Variants in NDUFA5 observed in about 807,000 individuals in gnomAD.
NDUFA5 encodes NADH dehydrogenase [ubiquinone] 1 alpha subcomplex subunit 5.
Under a neutral mutation model 19.8 loss-of-function variants are expected in NDUFA5, and 11 were observed. The observed-to-expected ratio is 0.56, with a 90% confidence interval of 0.35 to 0.92. The LOEUF is 0.92. Ranked by LOEUF, NDUFA5 falls within the 40% of genes least tolerant of loss-of-function variation. The pLI is 0.01. For synonymous variants in NDUFA5, 47 were observed against 46.8 expected (o/e 1.00, Z -0.01); for missense variants, 109 against 134.2 (o/e 0.81, Z 0.93).
chr7:123,579,573 T>C, the NDUFA5 span, among the ~76,000 whole-genome samples: 1 of 152,070 alleles, frequency 6.6e-6, no homozygotes, highest in African/African-American at 2.4e-5. Flanking sequence ...GAGGGCTTAA[T>C]AGATAATTGC....
rs1469552137 is a variant in NDUFA5, at chr7:123,545,658, A to G, written c.202T>C (p.Leu68=). 6.2e-7 allele frequency: 1 copy of G among 1,609,042 alleles called. No homozygotes were observed. The highest frequency in any genetic ancestry group is 1.3e-5 in the African/African-American group (1 of 74,860). ...TGACCGCCTTGAAGTTGGTCTTCTA[A>G]TTTTTTAACATCTGGTTCCTATAAT... ...MVKAEPDVKK[L]EDQLQGGQLE... Residue 68 remains leucine, a synonymous_variant, in exon 4 of 5, where the codon TTA becomes CTA. Coordinates refer to ENST00000355749, the MANE Select transcript of NDUFA5 (RefSeq NM_005000.5).
At chr7:123,566,174 C>T in the NDUFA5 span, among the ~76,000 whole-genome samples, 1 of 152,104 alleles carries the variant, frequency 6.6e-6, no homozygotes, top group African/African-American at 2.4e-5. Flanking sequence ...ACACACTGTT[C>T]AGTACCACTA....
At chr7:123,581,414 TAA>T in the NDUFA5 span, among the ~76,000 whole-genome samples, 2,041 of 124,356 alleles carry the variant, frequency 0.016, 43 homozygotes, top group African/African-American at 0.055. Context: ...AGTGAGCACT[TAA>T]AAAAAAAAAA....
At chr7:123,568,426 A>G in the NDUFA5 span, among the ~76,000 whole-genome samples, 2 of 151,960 alleles carry the variant, frequency 1.3e-5, no homozygotes, top group South Asian at 2.1e-4. Context: ...AGGCTGAGAC[A>G]GGAGAATTGC....
At chr7:123,596,432 C>T in the NDUFA5 span, 1 of 151,912 alleles carries the variant, frequency 6.6e-6, no homozygotes, top group Admixed American at 6.6e-5. Context: ...AAGGTCAAAC[C>T]CCATCTCTAC....
the NDUFA5 span, among the ~76,000 whole-genome samples, chr7:123,573,288 C>CTTTTTT: frequency 8.5e-6 from 1 of 117,912 alleles, no homozygotes; most frequent in Non-Finnish European, 1.8e-5. Context: ...TCTGGATTTG[C>CTTTTTT]TTTTTTTTTT....
chr7:123,543,657 T>C (rs1386400398), intron 4 of NDUFA5, among the ~76,000 whole-genome samples: 2 of 152,194 alleles, frequency 1.3e-5, no homozygotes, highest in African/African-American at 4.8e-5. Context: ...CATGGGGAAC[T>C]GCACAGCTGA....
the NDUFA5 span, among the ~76,000 whole-genome samples, chr7:123,582,481 A>G: frequency 1.3e-5 from 2 of 152,010 alleles, no homozygotes; most frequent in East Asian, 3.9e-4. Flanking sequence ...CAGTATATAC[A>G]TATATCCTAC....
At chr7:123,572,086 C>T in the NDUFA5 span, among the ~76,000 whole-genome samples, 1 of 149,854 alleles carries the variant, frequency 6.7e-6, no homozygotes, top group Non-Finnish European at 1.5e-5. Context: ...GTGTGCCAGA[C>T]CAGTTGTCTT....
chr7:123,547,927 G>A (rs778549946), intron 3 of NDUFA5, among the ~76,000 whole-genome samples: 2 of 152,044 alleles, frequency 1.3e-5, no homozygotes, highest in Non-Finnish European at 2.9e-5. Context: ...AACAAAAAGT[G>A]TTCGAGGTGG....
chr7:123,601,418 G>T, the NDUFA5 span, among the ~76,000 whole-genome samples: 1 of 152,118 alleles, frequency 6.6e-6, no homozygotes. Flanking sequence ...ATGACAAGAA[G>T]ATTGTATTTA....
the NDUFA5 span, among the ~76,000 whole-genome samples, chr7:123,597,089 T>A: frequency 2.0e-5 from 3 of 152,308 alleles, no homozygotes; most frequent in East Asian, 3.9e-4. Context: ...GTTACCCTAG[T>A]CAAAAAATAT....
At chr7:123,591,432 G>T in the NDUFA5 span, among the ~76,000 whole-genome samples, 1 of 152,118 alleles carries the variant, frequency 6.6e-6, no homozygotes, top group Admixed American at 6.6e-5. Flanking sequence ...TATTGGCTGT[G>T]GGTTTGTCAT....
chr7:123,542,047 G>T lies in NDUFA5; in HGVS notation c.*72C>A. 2 of 1,081,782 alleles carry T rather than the reference G, an allele frequency of 1.8e-6. No homozygotes were observed. Among genetic ancestry groups the T allele is most frequent in the Non-Finnish European group, 2.6e-6 (2 of 755,580 alleles). 67.0% of individuals were successfully genotyped at this position (1,081,782 alleles called of 1,614,324 possible). A position where few individuals can be genotyped will look rare whatever the true frequency, so the allele number is the denominator to read the frequency against. The stretch of plus-strand genomic sequence containing the variant: ...CTTGATTACAAAATGTCAGTAATAA[G>T]AACACGCTCTTAATATAACAGAATA... On this transcript the variant is annotated 3_prime_UTR_variant, in exon 5 of 5. Coordinates refer to ENST00000355749, the MANE Select transcript of NDUFA5 (RefSeq NM_005000.5).
the NDUFA5 span, among the ~76,000 whole-genome samples, chr7:123,599,331 C>T: frequency 2.6e-5 from 4 of 152,182 alleles, no homozygotes; most frequent in Non-Finnish European, 5.9e-5. Context: ...GTTTGAACAA[C>T]ACCATTTTTT....
intron 2 of NDUFA5, chr7:123,557,116 A>G (rs916015257): frequency 8.0e-6 from 5 of 626,846 alleles, no homozygotes; most frequent in Admixed American, 2.1e-5. Flanking sequence ...AAACGGAGAT[A>G]TAAATTTGAG....
At chr7:123,557,117 T>G in intron 2 of NDUFA5, 1 of 630,716 alleles carries the variant, frequency 1.6e-6, no homozygotes, top group Non-Finnish European at 2.9e-6. Flanking sequence ...AACGGAGATA[T>G]AAATTTGAGA....
intron 1 of NDUFA5, 140 bp downstream of exon 1, chr7:123,557,635 C>A: frequency 6.2e-7 from 1 of 1,613,664 alleles, no homozygotes; most frequent in Non-Finnish European, 8.5e-7. Context: ...CTGCCCTACC[C>A]GGTAAGGCAT....
At position 123,541,135 on chromosome 7, in the gene NDUFA5, T is replaced by C. The variant is rs1445774697; in HGVS notation, c.*984A>G. ...GTTTTGATACCCACCTACACTTATATTAGAAACGTACTGCAAACTATTTAG... is the reference window on the plus strand; with the variant it reads ...GTTTTGATACCCACCTACACTTATACTAGAAACGTACTGCAAACTATTTAG... On this transcript the variant is annotated 3_prime_UTR_variant, in exon 5 of 5. Coordinates refer to ENST00000355749, the MANE Select transcript of NDUFA5 (RefSeq NM_005000.5). 1 of 152,200 alleles carries C rather than the reference T, an allele frequency of 6.6e-6. No individual in the cohort carries two copies. The highest frequency in any genetic ancestry group is 1.5e-5 in the Non-Finnish European group (1 of 68,032). 9.4% of individuals were successfully genotyped at this position (152,200 alleles called of 1,614,324 possible).
Sources: allele counts gnomAD v4.1 joint callset (sites outside exome capture counted in the v4.1 genomes callset), GRCh38; gene constraint gnomAD v4.1.1; transcripts MANE v1.5; gene names NCBI Gene and HGNC (gene_info 2026-07-23, HGNC 2026-07-21).